CDK5RAP2: variants seen among roughly 807,000 people sequenced by gnomAD.
The protein encoded by CDK5RAP2 is CDK5 regulatory subunit associated protein 2.
A neutral mutation model predicts 232.9 loss-of-function variants in CDK5RAP2; 147 were observed. The ratio of observed to expected loss-of-function variants is 0.63; its 90% CI spans 0.55 to 0.72. The LOEUF is 0.72. Ranked by LOEUF, CDK5RAP2 falls within the 30% of genes least tolerant of loss-of-function variation. The probability of loss-of-function intolerance (pLI) is 0.00; values close to 1 mark genes in which losing one functional copy is unlikely to be tolerated. For missense variants in CDK5RAP2, 2,195 were observed against 2,231.5 expected (o/e 0.98, Z 0.33); for synonymous variants, 833 against 833.7 (o/e 1.00, Z 0.01).
chr9:120,429,010 A>G (rs1490718988), intron 25 of CDK5RAP2, among the ~76,000 whole-genome samples: 2 of 152,124 alleles, frequency 1.3e-5, no homozygotes, highest in Non-Finnish European at 2.9e-5. Flanking sequence ...CAAAAACCAC[A>G]TGATTATCTC....
At chr9:120,462,144 G>C (rs1250024008) in intron 18 of CDK5RAP2, among the ~76,000 whole-genome samples, 1 of 152,150 alleles carries the variant, frequency 6.6e-6, no homozygotes, top group African/African-American at 2.4e-5. Flanking sequence ...CTGCAATCAG[G>C]ATCAAACAGA....
chr9:120,513,009 C>A (rs1394892048), intron 12 of CDK5RAP2, among the ~76,000 whole-genome samples: 2 of 152,078 alleles, frequency 1.3e-5, no homozygotes, highest in African/African-American at 4.8e-5. Flanking sequence ...TTGTTCTTAC[C>A]AACGTTTTCT....
At chr9:120,458,313 G>T in intron 20 of CDK5RAP2, 137 bp downstream of exon 20, 1 of 831,172 alleles carries the variant, frequency 1.2e-6, no homozygotes, top group Non-Finnish European at 2.0e-6. Flanking sequence ...TTCATGACTG[G>T]CAAGATTCCT....
intron 2 of CDK5RAP2, among the ~76,000 whole-genome samples, chr9:120,570,060 G>T (rs550546827): frequency 6.6e-6 from 1 of 152,274 alleles, no homozygotes; most frequent in South Asian, 2.1e-4. Context: ...GTCTTAAAGA[G>T]GGAGCAAGGA....
chr9:120,554,109 T>C (rs941830680), intron 3 of CDK5RAP2, among the ~76,000 whole-genome samples: 5 of 152,204 alleles, frequency 3.3e-5, no homozygotes, highest in South Asian at 2.1e-4. Context: ...CCAAGATACA[T>C]TGTTAAATAA....
At chr9:120,479,879 C>A (rs575055359) in intron 14 of CDK5RAP2, among the ~76,000 whole-genome samples, 1 of 152,256 alleles carries the variant, frequency 6.6e-6, no homozygotes, top group South Asian at 2.1e-4. Flanking sequence ...TCAGTCCAGG[C>A]TAATTTCCTG....
intron 11 of CDK5RAP2, 134 bp from the exon 12 acceptor site, chr9:120,518,779 C>A: frequency 1.4e-6 from 1 of 695,146 alleles, no homozygotes; most frequent in Non-Finnish European, 2.5e-6. Flanking sequence ...ATTCAGAAAC[C>A]AAAGCAAAAA....
At chr9:120,419,492 C>A (rs542812297) in intron 27 of CDK5RAP2, among the ~76,000 whole-genome samples, 2 of 152,162 alleles carry the variant, frequency 1.3e-5, no homozygotes, top group Non-Finnish European at 2.9e-5. Flanking sequence ...GGAAATTAAC[C>A]AAATCTGCAC....
intron 22 of CDK5RAP2, among the ~76,000 whole-genome samples, chr9:120,445,754 T>C (rs534028990): frequency 4.6e-5 from 7 of 152,362 alleles, no homozygotes; most frequent in Non-Finnish European, 7.3e-5. Context: ...CTGGACCTGG[T>C]TGCTATGGCT....
chr9:120,438,462 TG>T lies in CDK5RAP2; in HGVS notation c.3722+936del, dbSNP rs1381252263. On this transcript the variant is annotated intron_variant, in intron 24 of 37. Transcript: ENST00000349780. The stretch of plus-strand genomic sequence containing the variant: ...GTATCATGTGAGTACTGGAGTAACA[TG>T]GGTAAACATGGGTAACTCATGAGTA... Among the ~76,000 whole-genome samples the T allele has an allele frequency of 3.3e-5, 5 of 152,214 alleles. No individual in the cohort carries two copies. In the East Asian group the frequency reaches 9.7e-4, roughly 29 times the overall value.
At chr9:120,557,811 C>T (rs1374637825) in intron 3 of CDK5RAP2, among the ~76,000 whole-genome samples, 1 of 146,208 alleles carries the variant, frequency 6.8e-6, no homozygotes, top group African/African-American at 2.5e-5. Flanking sequence ...GTCACCCAGG[C>T]TGGAGTGCAG....
intron 4 of CDK5RAP2, among the ~76,000 whole-genome samples, chr9:120,549,069 T>C (rs908859550): frequency 2.6e-5 from 4 of 151,644 alleles, no homozygotes; most frequent in Non-Finnish European, 4.4e-5. Flanking sequence ...AGGACAGGAA[T>C]TGCTTGAACC....
intron 3 of CDK5RAP2, among the ~76,000 whole-genome samples, chr9:120,559,358 G>A (rs914605169): frequency 6.6e-6 from 1 of 151,570 alleles, no homozygotes; most frequent in African/African-American, 2.4e-5. Context: ...ATGGTGGCGG[G>A]TGCCTGTAGT....
At chr9:120,406,441 G>A (rs1406832234) in intron 32 of CDK5RAP2, 1 of 154,222 alleles carries the variant, frequency 6.5e-6, no homozygotes, top group Non-Finnish European at 1.4e-5. Context: ...GAGCAAAGAG[G>A]ACAGGCTGCC....
intron 20 of CDK5RAP2, among the ~76,000 whole-genome samples, chr9:120,458,222 T>C (rs991567121): frequency 2.0e-5 from 3 of 152,180 alleles, no homozygotes; most frequent in African/African-American, 7.2e-5. Flanking sequence ...GAAAGCTTTC[T>C]TTCTCCTCTT....
chr9:120,479,838 T>C (rs2038210336), intron 14 of CDK5RAP2, among the ~76,000 whole-genome samples: 1 of 151,980 alleles, frequency 6.6e-6, no homozygotes, highest in Admixed American at 6.6e-5. Context: ...TTCAAATGAG[T>C]CTGAGGATTA....
intron 14 of CDK5RAP2, among the ~76,000 whole-genome samples, chr9:120,484,134 C>G (rs545396756): frequency 1.1e-4 from 16 of 152,320 alleles, no homozygotes; most frequent in African/African-American, 3.6e-4. Context: ...AGAAGGAAAA[C>G]AGACTGCCCA....
At chr9:120,392,578 C>T (rs1588211205) in intron 36 of CDK5RAP2, among the ~76,000 whole-genome samples, 1 of 152,330 alleles carries the variant, frequency 6.6e-6, no homozygotes, top group East Asian at 1.9e-4. Flanking sequence ...GCAGAGAGTT[C>T]TGCCTTTCTC....
chr9:120,406,455 T>C (rs565208150), intron 32 of CDK5RAP2: 8 of 154,046 alleles, frequency 5.2e-5, no homozygotes, highest in African/African-American at 1.9e-4. Flanking sequence ...GGCTGCCTGA[T>C]TGCTTGGAGT....
Sources: allele counts gnomAD v4.1 joint callset (sites outside exome capture counted in the v4.1 genomes callset), GRCh38; gene constraint gnomAD v4.1.1; transcripts MANE v1.5; gene names NCBI Gene and HGNC (gene_info 2026-07-23, HGNC 2026-07-21).